Variants in CTNNA3 observed in about 807,000 individuals in gnomAD.
CTNNA3 encodes the protein catenin alpha 3, also known as catenin alpha-3.
A neutral mutation model predicts 95.7 loss-of-function variants in CTNNA3; 76 were observed. The ratio of observed to expected loss-of-function variants is 0.79; its 90% confidence interval spans 0.66 to 0.96. CTNNA3 has a LOEUF of 0.96. Among genes scored for constraint, CTNNA3 ranks in the 40% least tolerant of loss-of-function variants. The probability of loss-of-function intolerance (pLI) is 0.00; values close to 1 mark genes in which losing one functional copy is unlikely to be tolerated. For missense variants in CTNNA3, 1,191 were observed against 1,089.8 expected (o/e 1.09, Z -1.31); for synonymous variants, 431 against 374.4 (o/e 1.15, Z -1.74).
At chr10:67,731,752 C>T (rs1311857015) in intron 1 of CTNNA3, among the ~76,000 whole-genome samples, 1 of 144,226 alleles carries the variant, frequency 6.9e-6, no homozygotes, top group Non-Finnish European at 1.5e-5. Context: ...CAGTGAGCCG[C>T]GATTATGCCA....
At chr10:66,081,914 C>T (rs1049553596) in intron 14 of CTNNA3, among the ~76,000 whole-genome samples, 7 of 151,970 alleles carry the variant, frequency 4.6e-5, no homozygotes, top group African/African-American at 1.5e-4. Flanking sequence ...GTCAGGAATT[C>T]GAGATCAGCC....
At chr10:66,880,694 T>C (rs1056786773) in intron 7 of CTNNA3, among the ~76,000 whole-genome samples, 4 of 152,052 alleles carry the variant, frequency 2.6e-5, no homozygotes, top group African/African-American at 9.7e-5. Flanking sequence ...TTTTTCTCCA[T>C]TTGTGTTTCA....
chr10:66,912,089 G>A (rs1230533898), intron 7 of CTNNA3, among the ~76,000 whole-genome samples: 1 of 152,106 alleles, frequency 6.6e-6, no homozygotes, highest in Non-Finnish European at 1.5e-5. Context: ...ACCAGATTTT[G>A]CATACAGGCC....
At chr10:66,486,026 C>T (rs916848746) in intron 11 of CTNNA3, among the ~76,000 whole-genome samples, 1 of 152,090 alleles carries the variant, frequency 6.6e-6, no homozygotes, top group Non-Finnish European at 1.5e-5. Flanking sequence ...CAGAAGAATA[C>T]AATTAGGCCC....
At chr10:65,963,615 T>C (rs776275654) in intron 17 of CTNNA3, among the ~76,000 whole-genome samples, 25 of 152,218 alleles carry the variant, frequency 1.6e-4, no homozygotes, top group Non-Finnish European at 3.7e-4. Flanking sequence ...ACATTTTATG[T>C]TTCTTAATTT....
intron 7 of CTNNA3, among the ~76,000 whole-genome samples, chr10:66,784,611 T>C (rs1376968804): frequency 1.3e-5 from 2 of 152,166 alleles, no homozygotes; most frequent in Non-Finnish European, 2.9e-5. Flanking sequence ...TTCTTCTTTA[T>C]TTCATTAAAA....
intron 5 of CTNNA3, among the ~76,000 whole-genome samples, chr10:67,354,159 A>G (rs1319787111): frequency 1.3e-5 from 2 of 152,020 alleles, no homozygotes; most frequent in Admixed American, 1.3e-4. Flanking sequence ...AGAGCTAGTT[A>G]ATGCACAGTA....
In CTNNA3 at chr10:66,764,001, A is replaced by T. The variant is rs115342938; in HGVS notation, c.1281+2263T>A. On this transcript the variant is annotated intron_variant, in intron 9 of 17. Coordinates refer to ENST00000433211, the MANE Select transcript of CTNNA3 (RefSeq NM_013266.4). ...CAGTCAACCCATAGATTAGTGAGAG[A>T]TAACAAATAGTTGCTTTAAATTTCA... is the stretch of plus-strand genomic sequence containing the variant. 4.6e-3 allele frequency among the ~76,000 whole-genome samples: 704 copies of T among 152,312 alleles called. 5 individuals carry two copies. Among genetic ancestry groups the T allele is most frequent in the African/African-American group, 0.016 (686 of 41,578 alleles).
intron 3 of CTNNA3, among the ~76,000 whole-genome samples, chr10:67,594,111 G>C (rs1476820382): frequency 6.6e-6 from 1 of 152,150 alleles, no homozygotes; most frequent in Non-Finnish European, 1.5e-5. Context: ...AGGCCTATTT[G>C]ATTGTCATGA....
chr10:66,831,663 T>C (rs1021675301), intron 7 of CTNNA3, among the ~76,000 whole-genome samples: 2 of 151,630 alleles, frequency 1.3e-5, no homozygotes, highest in African/African-American at 4.9e-5. Context: ...ACAGTAGCAA[T>C]TCAATAAAGA....
chr10:67,744,560 A>G (rs892119895), intron 1 of CTNNA3, among the ~76,000 whole-genome samples: 3 of 151,242 alleles, frequency 2.0e-5, no homozygotes, highest in African/African-American at 7.3e-5. Flanking sequence ...CTAGAAGAAA[A>G]CTTAGGCAAT....
intron 10 of CTNNA3, among the ~76,000 whole-genome samples, chr10:66,593,533 T>C (rs764976606): frequency 6.6e-6 from 1 of 152,136 alleles, no homozygotes; most frequent in Non-Finnish European, 1.5e-5. Flanking sequence ...CCAGGTGATT[T>C]TGATACTCCT....
At chr10:67,224,590 C>T (rs1864806929) in intron 5 of CTNNA3, among the ~76,000 whole-genome samples, 1 of 152,172 alleles carries the variant, frequency 6.6e-6, no homozygotes, top group Non-Finnish European at 1.5e-5. Flanking sequence ...CCTGAATACA[C>T]AACCCCACTG....
chr10:66,782,714 C>A (rs1840588614), intron 7 of CTNNA3, among the ~76,000 whole-genome samples: 1 of 151,984 alleles, frequency 6.6e-6, no homozygotes, highest in Admixed American at 6.6e-5. Context: ...AACCATACTT[C>A]TAATAAGTAA....
intron 7 of CTNNA3, among the ~76,000 whole-genome samples, chr10:67,047,235 C>G (rs953655996): frequency 1.3e-5 from 2 of 152,086 alleles, no homozygotes; most frequent in African/African-American, 4.8e-5. Context: ...GGTGGAGTCT[C>G]TAGATGTGTA....
At chr10:67,193,978 A>AT (rs1033165838) in intron 6 of CTNNA3, among the ~76,000 whole-genome samples, 8 of 151,884 alleles carry the variant, frequency 5.3e-5, no homozygotes, top group Non-Finnish European at 1.0e-4. Flanking sequence ...AACATCTGTT[A>AT]TTTTTTTACT....
At chr10:66,362,430 G>T (rs1450053431) in intron 12 of CTNNA3, among the ~76,000 whole-genome samples, 2 of 151,298 alleles carry the variant, frequency 1.3e-5, no homozygotes, top group East Asian at 4.0e-4. Flanking sequence ...AATTTGATAG[G>T]CCAGGTGCAG....
intron 9 of CTNNA3, among the ~76,000 whole-genome samples, chr10:66,746,998 T>C (rs1166999321): frequency 3.9e-5 from 6 of 152,086 alleles, no homozygotes; most frequent in African/African-American, 1.2e-4. Context: ...GTCAAGATGT[T>C]TTCCAAGAGA....
intron 1 of CTNNA3, among the ~76,000 whole-genome samples, chr10:67,685,563 G>A (rs951030459): frequency 2.0e-5 from 3 of 152,186 alleles, no homozygotes; most frequent in African/African-American, 7.2e-5. Context: ...GCTGTGTTAA[G>A]GATTTTAGAT....
Sources: gnomAD v4.1 joint callset for allele counts (sites outside exome capture counted in the v4.1 genomes callset) on GRCh38, gnomAD v4.1.1 for gene constraint, MANE v1.5 for transcripts, NCBI Gene and HGNC (gene_info 2026-07-23, HGNC 2026-07-21) for gene names.